The following PTPRN2 variants were observed in gnomAD, a reference collection of about 807,000 sequenced individuals.
PTPRN2 encodes the protein protein tyrosine phosphatase receptor type N2.
In PTPRN2, 74 loss-of-function variants were observed where a neutral mutation model predicts 118.8. The observed-to-expected ratio is 0.62, with a 90% CI of 0.52 to 0.76. The LOEUF (loss-of-function observed/expected upper bound fraction) is 0.76. PTPRN2 is among the 30% of genes least tolerant of loss of function. PTPRN2 has a pLI of 0.00. For synonymous variants in PTPRN2, 641 were observed against 608.0 expected, an observed-to-expected ratio of 1.05 and a Z score of -0.80; for missense variants, 1,481 against 1,394.4, an observed-to-expected ratio of 1.06 and a Z score of -0.99.
chr7:158,538,484 C>T (rs113262842), intron 1 of PTPRN2, among the ~76,000 whole-genome samples: 3 of 152,152 alleles, frequency 2.0e-5, no homozygotes, highest in South Asian at 2.1e-4. Context: ...AAGGAAAAAG[C>T]GCAGCCTCCG....
chr7:158,535,895 C>A (rs987738731), intron 1 of PTPRN2, among the ~76,000 whole-genome samples: 2 of 149,306 alleles, frequency 1.3e-5, no homozygotes, highest in Non-Finnish European at 3.0e-5. Flanking sequence ...TTAAAATCTG[C>A]AAAAGTACTT....
intron 1 of PTPRN2, among the ~76,000 whole-genome samples, chr7:158,530,504 A>T (rs1825133870): frequency 6.6e-6 from 1 of 151,972 alleles, no homozygotes; most frequent in African/African-American, 2.4e-5. Context: ...TGGGACAGGG[A>T]GCTCTGGTAC....
intron 12 of PTPRN2, among the ~76,000 whole-genome samples, chr7:157,770,748 G>C (rs1802752548): frequency 1.3e-5 from 2 of 152,186 alleles, no homozygotes; most frequent in African/African-American, 4.8e-5. Flanking sequence ...GACACAGCAA[G>C]GTCATGAGGC....
In PTPRN2 at chr7:158,394,199, T is replaced by C. The variant is rs116832857; in HGVS notation, c.164-77267A>G. Among the ~76,000 whole-genome samples the C allele has an allele frequency of 8.1e-3, 1,174 of 144,398 alleles. 18 individuals are homozygous for C. The highest frequency in any genetic ancestry group is 0.028 in the African/African-American group (1,103 of 38,734). The allele number at this position is 144,398 out of a possible 152,430, so 94.7% of individuals were successfully genotyped here. A position where few individuals can be genotyped will look rare whatever the true frequency, so the allele number is the denominator to read the frequency against. On this transcript the variant is annotated intron_variant, in intron 2 of 22. Transcript: ENST00000389418. ...CCCTCTGTCCCCCACGGATGCGTGG[T>C]TCCCCTATGTCCCCCACAGATGCCT...
rs185350189 is a variant in PTPRN2, at chr7:158,405,833, T to C, written c.163+83902A>G. On this transcript the variant is annotated intron_variant, in intron 2 of 22. Coordinates refer to ENST00000389418, the MANE Select transcript of PTPRN2 (RefSeq NM_002847.5). ...ATCCCGGTGGCTCATCCGTGAGACA[T>C]GTGGCCACACACTGAGATCCCGCAG... 6.4e-3 allele frequency among the ~76,000 whole-genome samples: 744 copies of C among 116,318 alleles called. 2 individuals are homozygous for C. Among genetic ancestry groups the C allele is most frequent in the Middle Eastern group, 0.014 (2 of 146 alleles). The allele number at this position is 116,318 out of a possible 152,430, so 76.3% of individuals were successfully genotyped here.
At chr7:158,239,130 G>A (rs1009406001) in intron 3 of PTPRN2, among the ~76,000 whole-genome samples, 4 of 152,200 alleles carry the variant, frequency 2.6e-5, no homozygotes, top group Non-Finnish European at 5.9e-5. Flanking sequence ...CATGCCCTGA[G>A]GACCGAGGGC....
intron 21 of PTPRN2, among the ~76,000 whole-genome samples, chr7:157,566,933 T>C (rs1377065338): frequency 1.3e-5 from 2 of 152,168 alleles, no homozygotes; most frequent in African/African-American, 4.8e-5. Context: ...TCCATTGGAA[T>C]CACAGGTGCC....
At chr7:157,910,779 C>T (rs979510395) in intron 11 of PTPRN2, among the ~76,000 whole-genome samples, 2 of 152,206 alleles carry the variant, frequency 1.3e-5, no homozygotes, top group African/African-American at 2.4e-5. Flanking sequence ...GTTCCTGTAA[C>T]GTGTTGTGAT....
At position 158,570,783 on chromosome 7, in the gene PTPRN2, G is replaced by T. The variant is rs192385391; in HGVS notation, c.112+16775C>A. ...CACGGACTCACCGGGAAGCACCAAG[G>T]AGAACCGCCTCCTCAGGAACCCTGT... On this transcript the variant is annotated intron_variant, in intron 1 of 22. Transcript: ENST00000389418. This position sits in a 1 kb window ranked among gnomAD's most constrained non-coding sequence, Gnocchi z 4.5. Among the ~76,000 whole-genome samples the T allele has an allele frequency of 1.3e-5, 2 of 152,378 alleles. No individual in the cohort carries two copies. Among genetic ancestry groups the T allele is most frequent in the African/African-American group, 2.4e-5 (1 of 41,592 alleles).
intron 10 of PTPRN2, among the ~76,000 whole-genome samples, chr7:158,098,046 C>G (rs548394740): frequency 6.6e-6 from 1 of 152,218 alleles, no homozygotes; most frequent in African/African-American, 2.4e-5. Flanking sequence ...GTCCGTCCCT[C>G]GAGCCGGTGC....
intron 21 of PTPRN2, among the ~76,000 whole-genome samples, chr7:157,552,805 C>T (rs897169978): frequency 2.6e-5 from 4 of 152,204 alleles, no homozygotes; most frequent in Non-Finnish European, 2.9e-5. Context: ...TTCCGCTCCG[C>T]GTGCCTATGC....
At chr7:158,267,233 G>A (rs1044348694) in intron 3 of PTPRN2, among the ~76,000 whole-genome samples, 1 of 152,244 alleles carries the variant, frequency 6.6e-6, no homozygotes, top group Admixed American at 6.5e-5. Flanking sequence ...TAGCCGAGCA[G>A]CGAGGCACTG....
rs1286396725 is a variant in PTPRN2 at position 157,903,176 on chromosome 7, G to A, written c.1724-4439C>T. ...GGAAGTGGGAACTACACTCATCAGA[G>A]AACCACATGCGCTCACATGGAAGTG... On this transcript the variant is annotated intron_variant, in intron 11 of 22. Coordinates refer to ENST00000389418, the MANE Select transcript of PTPRN2 (RefSeq NM_002847.5). The surrounding 1 kb of genome is among the most constrained non-coding windows in gnomAD (Gnocchi z 4.2). Among the ~76,000 whole-genome samples, 1 of 152,042 alleles carries A rather than the reference G, an allele frequency of 6.6e-6. No individual in the cohort carries two copies. The highest frequency in any genetic ancestry group is 1.5e-5 in the Non-Finnish European group (1 of 68,014).
chr7:158,199,506 A>G (rs1203265979), intron 4 of PTPRN2, among the ~76,000 whole-genome samples: 1 of 152,164 alleles, frequency 6.6e-6, no homozygotes, highest in Non-Finnish European at 1.5e-5. Flanking sequence ...ACTTCATTCT[A>G]ATGTCGCCTT....
intron 11 of PTPRN2, among the ~76,000 whole-genome samples, chr7:158,036,421 G>A (rs541730092): frequency 5.9e-5 from 9 of 152,212 alleles, no homozygotes; most frequent in Admixed American, 3.9e-4. Flanking sequence ...CCTCCTATGC[G>A]GATTTTAGAT....
At chr7:158,356,969 G>A (rs774094297) in intron 2 of PTPRN2, among the ~76,000 whole-genome samples, 1 of 152,192 alleles carries the variant, frequency 6.6e-6, no homozygotes, top group Non-Finnish European at 1.5e-5. Context: ...TGGGCTCTGT[G>A]CTGGCCGGGA....
At chr7:157,613,704 G>A (rs1452741231) in intron 15 of PTPRN2, among the ~76,000 whole-genome samples, 1 of 152,188 alleles carries the variant, frequency 6.6e-6, no homozygotes, top group African/African-American at 2.4e-5. Context: ...TGCCTGGAAC[G>A]TGCCAGAATC....
At chr7:157,921,939 G>A (rs544728820) in intron 11 of PTPRN2, among the ~76,000 whole-genome samples, 1 of 152,194 alleles carries the variant, frequency 6.6e-6, no homozygotes, top group Non-Finnish European at 1.5e-5. Flanking sequence ...GCAATGGAGA[G>A]ACGGGGCGTG....
intron 1 of PTPRN2, among the ~76,000 whole-genome samples, chr7:158,522,805 C>T (rs1228273018): frequency 6.6e-6 from 1 of 152,184 alleles, no homozygotes; most frequent in Non-Finnish European, 1.5e-5. Context: ...GTCTTGAGAG[C>T]AGCTCACCAT....
Sources: gnomAD v4.1 joint callset for allele counts (sites outside exome capture counted in the v4.1 genomes callset) on GRCh38, gnomAD v4.1.1 for gene constraint, Gnocchi (gnomAD v3.1) non-coding constraint, MANE v1.5 for transcripts, NCBI Gene and HGNC (gene_info 2026-07-23, HGNC 2026-07-21) for gene names.